DPYD: variants seen among roughly 807,000 people sequenced by gnomAD.
DPYD encodes the protein dihydropyrimidine dehydrogenase [NADP(+)].
Under a neutral mutation model 116.2 loss-of-function variants are expected in DPYD, and 109 were observed. The ratio of observed to expected loss-of-function variants is 0.94; its 90% CI spans 0.80 to 1.10. The LOEUF (loss-of-function observed/expected upper bound fraction) is 1.10. Ranked by LOEUF, DPYD falls within the 50% of genes least tolerant of loss-of-function variation. The pLI is 0.00. For missense variants in DPYD, 1,302 were observed against 1,254.5 expected, an observed-to-expected ratio of 1.04 and a Z score of -0.57; for synonymous variants, 440 against 432.0, an observed-to-expected ratio of 1.02 and a Z score of -0.23.
chr1:97,336,523 C>T (rs768255598), intron 16 of DPYD, among the ~76,000 whole-genome samples: 4 of 152,194 alleles, frequency 2.6e-5, no homozygotes, highest in Non-Finnish European at 5.9e-5. Context: ...CCGAGGTGGG[C>T]AGATCACCTG....
At chr1:97,420,354 A>G (rs1674515722) in intron 14 of DPYD, among the ~76,000 whole-genome samples, 1 of 152,184 alleles carries the variant, frequency 6.6e-6, no homozygotes, top group Non-Finnish European at 1.5e-5. Context: ...CTGGGGTTGA[A>G]GATGAAAGAG....
intron 14 of DPYD, among the ~76,000 whole-genome samples, chr1:97,405,246 A>C (rs921107759): frequency 3.3e-5 from 5 of 152,196 alleles, no homozygotes; most frequent in African/African-American, 9.6e-5. Flanking sequence ...AAAAATAAAC[A>C]TTTTTATTTT....
chr1:97,102,407 ATATATATATATATGTATATATG>A (rs1312654912), intron 20 of DPYD, among the ~76,000 whole-genome samples: 2 of 141,448 alleles, frequency 1.4e-5, no homozygotes, highest in Admixed American at 1.5e-4. Context: ...ATATATATAT[ATATATATATATATGTATATATG>A]TATCTTATTC....
intron 16 of DPYD, among the ~76,000 whole-genome samples, chr1:97,353,248 G>A (rs1406764399): frequency 6.6e-6 from 1 of 152,076 alleles, no homozygotes; most frequent in African/African-American, 2.4e-5. Flanking sequence ...TGCTATAAAG[G>A]GCAGTAGCTA....
intron 11 of DPYD, among the ~76,000 whole-genome samples, chr1:97,572,921 G>A (rs1375240960): frequency 6.6e-6 from 1 of 151,976 alleles, no homozygotes; most frequent in Non-Finnish European, 1.5e-5. Context: ...GGATATAGTA[G>A]GAAGTCATAG....
intron 18 of DPYD, among the ~76,000 whole-genome samples, chr1:97,275,146 A>C (rs531149287): frequency 6.6e-6 from 1 of 152,270 alleles, no homozygotes; most frequent in South Asian, 2.1e-4. Flanking sequence ...GGGCAGTGGC[A>C]GGGGATGGCA....
intron 14 of DPYD, among the ~76,000 whole-genome samples, chr1:97,420,321 C>T (rs1010194593): frequency 1.3e-5 from 2 of 152,144 alleles, no homozygotes; most frequent in African/African-American, 4.8e-5. Flanking sequence ...AAATTGAAGA[C>T]ATGGAGAACA....
intron 20 of DPYD, among the ~76,000 whole-genome samples, chr1:97,159,563 C>T (rs1655733654): frequency 6.6e-6 from 1 of 151,884 alleles, no homozygotes; most frequent in South Asian, 2.1e-4. Flanking sequence ...AATAAACCCA[C>T]AAACCATACA....
chr1:97,577,059 G>A (rs1000016925), intron 10 of DPYD, among the ~76,000 whole-genome samples: 28 of 152,280 alleles, frequency 1.8e-4, no homozygotes, highest in African/African-American at 6.3e-4. Context: ...TTTATCTTGG[G>A]AAATAGGGAA....
intron 10 of DPYD, among the ~76,000 whole-genome samples, chr1:97,590,843 T>A (rs1654453946): frequency 6.6e-6 from 1 of 152,200 alleles, no homozygotes; most frequent in African/African-American, 2.4e-5. Context: ...CTGCTTCTGA[T>A]GCCACTCCAC....
intron 16 of DPYD, among the ~76,000 whole-genome samples, chr1:97,362,909 T>C (rs1402369081): frequency 2.0e-5 from 3 of 152,134 alleles, no homozygotes; most frequent in Non-Finnish European, 4.4e-5. Context: ...ACTTCATGTC[T>C]AAAACACCAA....
intron 3 of DPYD, among the ~76,000 whole-genome samples, chr1:97,746,993 G>C (rs1043650519): frequency 4.6e-5 from 7 of 151,188 alleles, no homozygotes; most frequent in African/African-American, 1.7e-4. Flanking sequence ...TGAAAATTAT[G>C]GGATTGAATG....
chr1:97,381,175 TAC>T, intron 15 of DPYD, among the ~76,000 whole-genome samples: 1 of 152,158 alleles, frequency 6.6e-6, no homozygotes, highest in Non-Finnish European at 1.5e-5. Context: ...ATGTTTTTGC[TAC>T]AGAGTAATTA....
intron 8 of DPYD, among the ~76,000 whole-genome samples, chr1:97,662,119 A>G (rs1367563563): frequency 6.7e-6 from 1 of 149,576 alleles, no homozygotes; most frequent in Non-Finnish European, 1.5e-5. Context: ...TCCTGTCTCA[A>G]TCTCCCTAGT....
intron 5 of DPYD, among the ~76,000 whole-genome samples, chr1:97,701,641 C>A (rs1031957270): frequency 2.0e-5 from 3 of 151,830 alleles, no homozygotes; most frequent in African/African-American, 7.2e-5. Context: ...CCCACATATA[C>A]CACAAACTAT....
intron 2 of DPYD, among the ~76,000 whole-genome samples, 156 bp downstream of exon 2, chr1:97,883,108 A>C (rs1672309315): frequency 1.3e-5 from 2 of 152,096 alleles, no homozygotes; most frequent in Non-Finnish European, 2.9e-5. Context: ...AATTAAAAAT[A>C]CACTTTCAAA....
At chr1:97,821,710 A>C (rs534100733) in intron 3 of DPYD, among the ~76,000 whole-genome samples, 1 of 152,326 alleles carries the variant, frequency 6.6e-6, no homozygotes, top group South Asian at 2.1e-4. Context: ...CTAGTATTCT[A>C]TATGCTAAGA....
chr1:97,352,670 T>C (rs532043458), intron 16 of DPYD, among the ~76,000 whole-genome samples: 16 of 152,282 alleles, frequency 1.1e-4, no homozygotes, highest in Admixed American at 2.0e-4. Flanking sequence ...GATTTTTTTT[T>C]CCCCTTCCCT....
chr1:97,411,434 T>A (rs2101667696), intron 14 of DPYD, among the ~76,000 whole-genome samples: 1 of 152,136 alleles, frequency 6.6e-6, no homozygotes, highest in South Asian at 2.1e-4. Context: ...TACAAGAAGG[T>A]ATTTCCACGT....
Sources: gnomAD v4.1 joint callset for allele counts (sites outside exome capture counted in the v4.1 genomes callset) on GRCh38, gnomAD v4.1.1 for gene constraint, MANE v1.5 for transcripts, NCBI Gene and HGNC (gene_info 2026-07-23, HGNC 2026-07-21) for gene names.